Variants in ZCCHC18 observed in about 807,000 individuals in gnomAD.
ZCCHC18 encodes the protein zinc finger CCHC domain-containing protein 18.
For synonymous variants in ZCCHC18, 112 were observed against 115.7 expected (o/e 0.97, Z 0.21); for missense variants, 292 against 305.1 (o/e 0.96, Z 0.32).
Position 104,114,975 on chromosome X carries a change from A to G in ZCCHC18, c.864A>G (p.Ser288=), listed in dbSNP as rs1556360834. The change falls in exon 3 of 3, where the codon TCA becomes TCG. Residue 288 remains serine (S), a synonymous_variant. Transcript: ENST00000650639. ...TCCTGGTGGTGTCTCTGTACCCTTC[A>G]CTGACACCTACAGGTGCCCCTCCCT... is the stretch of plus-strand genomic sequence containing the variant. ...DVILVVSLYP[S]LTPTGAPPFR... The G allele has an allele frequency of 8.4e-7, 1 of 1,193,182 alleles. No homozygotes were observed. Among genetic ancestry groups the G allele is most frequent in the Admixed American group, 2.3e-5 (1 of 43,225 alleles).
rs1569461376 is a variant in ZCCHC18, at chrX:104,114,893, G to A, written c.782G>A (p.Cys261Tyr). The part of the protein sequence containing the change: ...AQPIAISSAD[C>Y]NCNVIEIDDT... The stretch of plus-strand genomic sequence containing the variant: ...CCAATAGCAATCAGCAGTGCTGACT[G>A]TAACTGCAACGTGATAGAAATAGAT... The change falls in exon 3 of 3, where the codon TGT (cysteine) becomes TAT (tyrosine). Residue 261 changes from cysteine to tyrosine, a missense_variant. Transcript: ENST00000650639. 2 of 1,204,324 alleles carry A rather than the reference G, an allele frequency of 1.7e-6. No homozygotes were observed. Among genetic ancestry groups the A allele is most frequent in the Non-Finnish European group, 2.2e-6 (2 of 891,270 alleles).
chrX:104,114,023 G>A lies in ZCCHC18; in HGVS notation c.-89G>A. The A allele has an allele frequency of 6.7e-6, 8 of 1,185,194 alleles. No homozygotes were observed. In the South Asian group the frequency reaches 1.1e-4, roughly 17 times the overall value. On this transcript the variant is annotated 5_prime_UTR_variant, in exon 3 of 3. Coordinates refer to ENST00000650639, the MANE Select transcript of ZCCHC18 (RefSeq NM_001143978.3). ...TGAAATATAAGGCAGGCACAGCCCAGGAACGTTGCTTTGGAGAATCCTGCA... is the reference window on the plus strand; with the variant it reads ...TGAAATATAAGGCAGGCACAGCCCAAGAACGTTGCTTTGGAGAATCCTGCA...
In ZCCHC18 at chrX:104,113,877, G is replaced by A; in HGVS notation, c.-235G>A. 1 of 436,534 alleles carries A rather than the reference G, an allele frequency of 2.3e-6. No individual in the cohort carries two copies. The highest frequency in any genetic ancestry group is 4.1e-5 in the East Asian group (1 of 24,128). The allele number at this position is 436,534 out of a possible 1,213,427, so 36.0% of individuals were successfully genotyped here. On this transcript the variant is annotated 5_prime_UTR_variant, in exon 3 of 3. Coordinates refer to ENST00000650639, the MANE Select transcript of ZCCHC18 (RefSeq NM_001143978.3). ...CAGTCTCCTGCAGGGTATTGTTAAGGCACTGGGCAGATATAAAATGCACTG... is the reference window on the plus strand; with the variant it reads ...CAGTCTCCTGCAGGGTATTGTTAAGACACTGGGCAGATATAAAATGCACTG...
At position 104,115,255 on chromosome X, in the gene ZCCHC18, C is replaced by G. The variant is rs2075372280; in HGVS notation, c.1144C>G (p.Leu382Val). Residue 382 changes from leucine to valine, a missense_variant, in exon 3 of 3, where the codon CTG becomes GTG. By Grantham distance (32) the Leu-to-Val change is conservative. Transcript: ENST00000650639. ...GAATCTGATCATCACCCTGCAGGAGCTGACACATACAGAGGAGAGGTCAAA... is the reference window on the plus strand; with the variant it reads ...GAATCTGATCATCACCCTGCAGGAGGTGACACATACAGAGGAGAGGTCAAA... ...FENLIITLQE[L>V]THTEERSKEV... 2 of 1,196,070 alleles carry G rather than the reference C, an allele frequency of 1.7e-6. No homozygotes were observed. Among genetic ancestry groups the G allele is most frequent in the Non-Finnish European group, 2.3e-6 (2 of 887,807 alleles).
At position 104,115,742 on chromosome X, in the gene ZCCHC18, A is replaced by G. The variant is rs1434793285; in HGVS notation, c.*419A>G. On this transcript the variant is annotated 3_prime_UTR_variant, in exon 3 of 3. Coordinates refer to ENST00000650639, the MANE Select transcript of ZCCHC18 (RefSeq NM_001143978.3). ...TGTACCCAGATAGATATATGTATAG[A>G]TAAGAGTGACCAAATATAAGTGCTG... The G allele has an allele frequency of 2.2e-5, 3 of 139,292 alleles. No individual in the cohort carries two copies. The highest frequency in any genetic ancestry group is 9.6e-5 in the African/African-American group (3 of 31,268). The allele number at this position is 139,292 out of a possible 1,213,427, so 11.5% of individuals were successfully genotyped here. A position where few individuals can be genotyped will look rare whatever the true frequency, so the allele number is the denominator to read the frequency against.
Position 104,113,640 on chromosome X carries a change from G to C in ZCCHC18, c.-472G>C, listed in dbSNP as rs1480180121. 1 of 118,792 alleles carries C rather than the reference G, an allele frequency of 8.4e-6. No individual in the cohort carries two copies. Among genetic ancestry groups the C allele is most frequent in the African/African-American group, 3.2e-5 (1 of 30,770 alleles). The allele number at this position is 118,792 out of a possible 1,213,427, so 9.8% of individuals were successfully genotyped here. A position where few individuals can be genotyped will look rare whatever the true frequency, so the allele number is the denominator to read the frequency against. On this transcript the variant is annotated 5_prime_UTR_variant, in exon 3 of 3. Transcript: ENST00000650639. ...GTGTGATTGAGACCTGAGGCCATGA[G>C]GTTAATGGTTTCTTATTATCATAAA...
Position 104,114,405 on chromosome X carries a change from G to T in ZCCHC18, c.294G>T (p.Met98Ile). The change falls in exon 3 of 3, where the codon ATG (methionine) becomes ATT (isoleucine). Residue 98 changes from methionine (M) to isoleucine (I), a missense_variant. Met to Ile is a conservative substitution (Grantham distance 10). Transcript: ENST00000650639. The part of the protein sequence containing the change: ...KTLRGPAREV[M>I]RLLQAANPNL... The stretch of plus-strand genomic sequence containing the variant: ...TTAGGGGCCCTGCCCGGGAGGTCAT[G>T]CGTTTGCTTCAGGCGGCCAACCCCA... 1 of 1,212,189 alleles carries T rather than the reference G, an allele frequency of 8.2e-7. No homozygotes were observed. The highest frequency in any genetic ancestry group is 3.0e-5 in the East Asian group (1 of 33,856).
Position 104,114,743 on chromosome X carries a change from A to G in ZCCHC18, c.632A>G (p.Glu211Gly), listed in dbSNP as rs1556360649. Residue 211 changes from glutamate to glycine, a missense_variant, in exon 3 of 3, where the codon GAG (glutamate) becomes GGG (glycine). By Grantham distance (98) the Glu-to-Gly change is moderately conservative. Coordinates refer to ENST00000650639, the MANE Select transcript of ZCCHC18 (RefSeq NM_001143978.3). ...CAGGAGCGGCTTCCCAATTTCCTGG[A>G]GTTAATCAAGATGATAAGGGAGGAA... ...NKQERLPNFL[E>G]LIKMIREEED... The G allele has an allele frequency of 8.3e-7, 1 of 1,211,807 alleles. No individual in the cohort carries two copies. The highest frequency in any genetic ancestry group is 1.1e-6 in the Non-Finnish European group (1 of 895,526).
In ZCCHC18 at chrX:104,114,122, T is replaced by A; in HGVS notation, c.11T>A (p.Ile4Asn). 1.7e-6 allele frequency: 2 copies of A among 1,211,634 alleles called. No homozygotes were observed. The highest frequency in any genetic ancestry group is 2.2e-6 in the Non-Finnish European group (2 of 895,414). The change falls in exon 3 of 3, where the codon ATC becomes AAC. Residue 4 changes from isoleucine (I) to asparagine (N), a missense_variant. By Grantham distance (149) the Ile-to-Asn change is moderately radical (BLOSUM62 -3). Coordinates refer to ENST00000650639, the MANE Select transcript of ZCCHC18 (RefSeq NM_001143978.3). ...CTATCGTCGTCAGTCATGGCTAGCA[T>A]CACTGCGTGTGTGGGTAACAGCAGG... MAS[I>N]TACVGNSRQQ...
Position 104,114,119 on chromosome X carries a change from G to C in ZCCHC18, c.8G>C (p.Ser3Thr), listed in dbSNP as rs61745270. The C allele has an allele frequency of 1.1e-4, 129 of 1,209,839 alleles. No homozygotes were observed. The African/African-American group carries it at 2.1e-3, about 19-fold the overall frequency. Residue 3 changes from serine to threonine, a missense_variant, in exon 3 of 3, where the codon AGC becomes ACC. Ser to Thr is a moderately conservative substitution (Grantham distance 58, BLOSUM62 1). Coordinates refer to ENST00000650639, the MANE Select transcript of ZCCHC18 (RefSeq NM_001143978.3). ...ACCCTATCGTCGTCAGTCATGGCTA[G>C]CATCACTGCGTGTGTGGGTAACAGC... MA[S>T]ITACVGNSRQ...
In ZCCHC18 at chrX:104,114,650, T is replaced by C. The variant is rs371168117; in HGVS notation, c.539T>C (p.Leu180Ser). Residue 180 changes from leucine (L) to serine (S), a missense_variant, in exon 3 of 3, where the codon TTA becomes TCA. Coordinates refer to ENST00000650639, the MANE Select transcript of ZCCHC18 (RefSeq NM_001143978.3). ...CAGACTCGCTTGCAACAGCTTCTTT[T>C]AGGCGCTGAGCTGAATAGGGACCTG... ...ANQTRLQQLL[L>S]GAELNRDLRF... The C allele has an allele frequency of 2.9e-4, 347 of 1,210,445 alleles. No individual in the cohort carries two copies. Among genetic ancestry groups the C allele is most frequent in the Non-Finnish European group, 3.7e-4 (330 of 895,378 alleles).
Position 104,114,301 on chromosome X carries a change from T to G in ZCCHC18, c.190T>G (p.Trp64Gly), listed in dbSNP as rs1556360358. 5.8e-6 allele frequency: 7 copies of G among 1,209,313 alleles called. No individual in the cohort carries two copies. The South Asian group carries it at 1.2e-4, about 21-fold the overall frequency. ...CCAGGGGAAAGAAACCTTTGAAAAC[T>G]GGCTGATCCAAGTCAATGAGGTCCT... ...PAQGKETFEN[W>G]LIQVNEVLPD... Residue 64 changes from tryptophan (W) to glycine (G), a missense_variant, in exon 3 of 3, where the codon TGG becomes GGG. Transcript: ENST00000650639.
Position 104,114,984 on chromosome X carries a change from T to C in ZCCHC18, c.873T>C (p.Pro291=). The C allele has an allele frequency of 8.4e-7, 1 of 1,193,104 alleles. No individual in the cohort carries two copies. The highest frequency in any genetic ancestry group is 1.8e-5 in the South Asian group (1 of 54,541). Residue 291 remains proline, a synonymous_variant, in exon 3 of 3, where the codon CCT becomes CCC. Coordinates refer to ENST00000650639, the MANE Select transcript of ZCCHC18 (RefSeq NM_001143978.3). ...TGTCTCTGTACCCTTCACTGACACC[T>C]ACAGGTGCCCCTCCCTTCAGAGGAA... ...LVVSLYPSLT[P]TGAPPFRGRA... is the part of the protein sequence containing the mutation.
In ZCCHC18 at chrX:104,115,069, T is replaced by C. The variant is rs782315966; in HGVS notation, c.958T>C (p.Ser320Pro). 1.6e-5 allele frequency: 19 copies of C among 1,198,793 alleles called. No homozygotes were observed. Among genetic ancestry groups the C allele is most frequent in the Non-Finnish European group, 2.1e-5 (19 of 888,662 alleles). Residue 320 changes from serine (S) to proline (P), a missense_variant, in exon 3 of 3, where the codon TCT becomes CCT. Transcript: ENST00000650639. Reference sequence around the variant, plus strand: ...TTCCCCCAACAATTCTGGGGCTCAGTCTCTTTCTACCAGTGGTGGTTCTGG... The same window carrying C: ...TTCCCCCAACAATTCTGGGGCTCAGCCTCTTTCTACCAGTGGTGGTTCTGG... ...IDSPNNSGAQ[S>P]LSTSGGSGYK... is the part of the protein sequence containing the mutation.
At position 104,115,554 on chromosome X, in the gene ZCCHC18, T is replaced by C. The variant is rs1556361145; in HGVS notation, c.*231T>C. ...GTCTATTCTCCATGTGTCTATTTCTTTGATGACTTTATACTTTTTATGAAA... is the reference window on the plus strand; with the variant it reads ...GTCTATTCTCCATGTGTCTATTTCTCTGATGACTTTATACTTTTTATGAAA... On this transcript the variant is annotated 3_prime_UTR_variant, in exon 3 of 3. Coordinates refer to ENST00000650639, the MANE Select transcript of ZCCHC18 (RefSeq NM_001143978.3). The C allele has an allele frequency of 6.2e-6, 2 of 323,856 alleles. No individual in the cohort carries two copies. Among genetic ancestry groups the C allele is most frequent in the African/African-American group, 2.7e-5 (1 of 37,372 alleles). The allele number at this position is 323,856 out of a possible 1,213,427, so 26.7% of individuals were successfully genotyped here.
Position 104,114,137 on chromosome X carries a change from G to T in ZCCHC18, c.26G>T (p.Gly9Val). MASITACVGNSRQQNAPLP... is the reference protein window; with the variant it reads MASITACVVNSRQQNAPLP... Reference sequence around the variant, plus strand: ...ATGGCTAGCATCACTGCGTGTGTGGGTAACAGCAGGCAGCAGAATGCACCT... The same window carrying T: ...ATGGCTAGCATCACTGCGTGTGTGGTTAACAGCAGGCAGCAGAATGCACCT... Residue 9 changes from glycine (G) to valine (V), a missense_variant, in exon 3 of 3, where the codon GGT becomes GTT. Gly to Val is a moderately radical substitution (Grantham distance 109). Transcript: ENST00000650639. The T allele has an allele frequency of 1.7e-6, 2 of 1,211,308 alleles. No homozygotes were observed. The highest frequency in any genetic ancestry group is 2.2e-6 in the Non-Finnish European group (2 of 895,261).
At position 104,114,169 on chromosome X, in the gene ZCCHC18, C is replaced by T. The variant is rs2075363896; in HGVS notation, c.58C>T (p.Pro20Ser). ...NSRQQNAPLP[P>S]WAHSMLRSLG... ...CAGGCAGCAGAATGCACCTTTGCCG[C>T]CTTGGGCCCATTCCATGTTGAGGTC... Residue 20 changes from proline (P) to serine (S), a missense_variant, in exon 3 of 3, where the codon CCT becomes TCT. Pro to Ser is a moderately conservative substitution (Grantham distance 74). Transcript: ENST00000650639. 2 of 1,210,267 alleles carry T rather than the reference C, an allele frequency of 1.7e-6. No individual in the cohort carries two copies. Among genetic ancestry groups the T allele is most frequent in the Non-Finnish European group, 2.2e-6 (2 of 894,656 alleles).
rs1352650578 is a variant in ZCCHC18, at chrX:104,112,926, G to A, written c.-806G>A. 9.0e-6 allele frequency: 1 copy of A among 110,513 alleles called. No homozygotes were observed. Among genetic ancestry groups the A allele is most frequent in the African/African-American group, 3.3e-5 (1 of 30,308 alleles). 9.1% of individuals were successfully genotyped at this position (110,513 alleles called of 1,213,427 possible). ...AGGGGATGGAGCACTCCCTTGGCCT[G>A]GTTGCGCTGAGGAAGGAGTTGTGGT... On this transcript the variant is annotated 5_prime_UTR_variant, in exon 1 of 3. Coordinates refer to ENST00000650639, the MANE Select transcript of ZCCHC18 (RefSeq NM_001143978.3).
Position 104,114,620 on chromosome X carries a change from C to G in ZCCHC18, c.509C>G (p.Ala170Gly), listed in dbSNP as rs782792330. Residue 170 changes from alanine to glycine, a missense_variant, in exon 3 of 3, where the codon GCA (alanine) becomes GGA (glycine). By Grantham distance (60) the Ala-to-Gly change is moderately conservative. Transcript: ENST00000650639. ...GCAGGCATCCTAGCTGAGAAAGATG[C>G]AAACCAGACTCGCTTGCAACAGCTT... ...IQAGILAEKD[A>G]NQTRLQQLLL... is the part of the protein sequence containing the mutation. 20 of 1,210,301 alleles carry G rather than the reference C, an allele frequency of 1.7e-5. No homozygotes were observed. Among genetic ancestry groups the G allele is most frequent in the Non-Finnish European group, 2.1e-5 (19 of 895,364 alleles).
Sources: gnomAD v4.1 joint callset for allele counts on GRCh38, gnomAD v4.1.1 for gene constraint, MANE v1.5 for transcripts, NCBI Gene and HGNC (gene_info 2026-07-23, HGNC 2026-07-21) for gene names.